Variants in SFMBT2 observed in about 807,000 individuals in gnomAD.
The protein encoded by SFMBT2 is scm-like with four MBT domains protein 2.
Under a neutral mutation model 110.1 loss-of-function variants are expected in SFMBT2, and 38 were observed. The ratio of observed to expected loss-of-function variants is 0.35; its 90% CI spans 0.27 to 0.45. SFMBT2 has a LOEUF of 0.45. Among genes scored for constraint, SFMBT2 ranks in the 20% least tolerant of loss-of-function variants. The probability of loss-of-function intolerance (pLI) is 1.00; values close to 1 mark genes in which losing one functional copy is unlikely to be tolerated. For synonymous variants in SFMBT2, 425 were observed against 425.4 expected, an observed-to-expected ratio of 1.00 and a Z score of 0.01; for missense variants, 1,011 against 1,094.9, an observed-to-expected ratio of 0.92 and a Z score of 1.08.
intron 1 of SFMBT2, among the ~76,000 whole-genome samples, chr10:7,394,039 G>A (rs1349823663): frequency 6.6e-6 from 1 of 151,940 alleles, no homozygotes; most frequent in Non-Finnish European, 1.5e-5. Flanking sequence ...GTCTCACTCT[G>A]TCGCCCAGGC....
At chr10:7,269,579 C>T (rs1207880023) in intron 7 of SFMBT2, among the ~76,000 whole-genome samples, 1 of 152,184 alleles carries the variant, frequency 6.6e-6, no homozygotes, top group African/African-American at 2.4e-5. Context: ...TAACAACACG[C>T]ATCTCAGATG....
intron 9 of SFMBT2, among the ~76,000 whole-genome samples, chr10:7,229,738 T>A (rs1198336252): frequency 6.9e-6 from 1 of 144,266 alleles, no homozygotes; most frequent in Non-Finnish European, 1.5e-5. Flanking sequence ...TTTTTTTTTT[T>A]GTGATGGAGT....
At chr10:7,346,329 T>G (rs529577183) in intron 4 of SFMBT2, among the ~76,000 whole-genome samples, 1 of 152,324 alleles carries the variant, frequency 6.6e-6, no homozygotes, top group South Asian at 2.1e-4. Context: ...GTCTTGGTGA[T>G]TGCTTGCATT....
At chr10:7,199,552 T>C (rs1838885916) in intron 14 of SFMBT2, among the ~76,000 whole-genome samples, 1 of 152,228 alleles carries the variant, frequency 6.6e-6, no homozygotes, top group Admixed American at 6.5e-5. Context: ...TTATAGACTA[T>C]GAAAGGGTAG....
At chr10:7,281,385 C>G (rs1022422062) in intron 6 of SFMBT2, among the ~76,000 whole-genome samples, 1 of 152,058 alleles carries the variant, frequency 6.6e-6, no homozygotes, top group African/African-American at 2.4e-5. Context: ...CCCCTGCACA[C>G]CCCCCTCCCA....
intron 2 of SFMBT2, among the ~76,000 whole-genome samples, chr10:7,375,441 C>A (rs1845173411): frequency 6.6e-6 from 1 of 152,112 alleles, no homozygotes; most frequent in East Asian, 1.9e-4. Flanking sequence ...GCTTACTGAG[C>A]ACCTTCTTAG....
chr10:7,357,946 A>G (rs1844573354), intron 4 of SFMBT2, among the ~76,000 whole-genome samples: 1 of 152,024 alleles, frequency 6.6e-6, no homozygotes, highest in Non-Finnish European at 1.5e-5. Context: ...GCCCTGGGAC[A>G]TCAGCATGGC....
At chr10:7,339,364 G>A (rs1843819643) in intron 4 of SFMBT2, among the ~76,000 whole-genome samples, 1 of 152,194 alleles carries the variant, frequency 6.6e-6, no homozygotes, top group South Asian at 2.1e-4. Flanking sequence ...ACACAAAGGA[G>A]TTGGATGCTT....
At position 7,370,766 on chromosome 10, in the gene SFMBT2, G is replaced by A. The variant is rs900335485; in HGVS notation, c.101-391C>T. ...CCATCGTGCGCTGAGCAAGGGCTGT[G>A]ATGTAGGCTGTGATGTATACAGAGA... On this transcript the variant is annotated intron_variant, in intron 2 of 20. Coordinates refer to ENST00000397167, the MANE Select transcript of SFMBT2 (RefSeq NM_001387889.1). 3 of 930,714 alleles carry A rather than the reference G, an allele frequency of 3.2e-6. No homozygotes were observed. The African/African-American group carries it at 5.4e-5, about 17-fold the overall frequency. 57.7% of individuals were successfully genotyped at this position (930,714 alleles called of 1,614,324 possible).
intron 11 of SFMBT2, among the ~76,000 whole-genome samples, chr10:7,217,162 G>C (rs540070287): frequency 6.8e-4 from 103 of 152,348 alleles, no homozygotes; most frequent in African/African-American, 2.4e-3. Flanking sequence ...AATGGTGCCA[G>C]TCAGGGGCTG....
chr10:7,336,897 C>T (rs138152609), intron 4 of SFMBT2, among the ~76,000 whole-genome samples: 16 of 152,292 alleles, frequency 1.1e-4, no homozygotes, highest in African/African-American at 3.8e-4. Context: ...GAAGACAGAA[C>T]AGAGACAGAG....
intron 9 of SFMBT2, among the ~76,000 whole-genome samples, chr10:7,228,738 T>TTCCTTTCTC (rs1840009498): frequency 1.6e-5 from 1 of 62,548 alleles, no homozygotes; most frequent in Admixed American, 1.8e-4. Context: ...TTTCTTTCCT[T>TTCCTTTCTC]TCTCTCTCTC....
intron 4 of SFMBT2, among the ~76,000 whole-genome samples, chr10:7,329,988 T>C (rs753786951): frequency 3.3e-5 from 5 of 152,192 alleles, no homozygotes; most frequent in Admixed American, 6.5e-5. Flanking sequence ...ATACCATGGT[T>C]ACAGGCCTCA....
At chr10:7,234,923 C>T (rs1564398315) in intron 9 of SFMBT2, among the ~76,000 whole-genome samples, 1 of 152,140 alleles carries the variant, frequency 6.6e-6, no homozygotes, top group Non-Finnish European at 1.5e-5. Context: ...TACAGCTGGC[C>T]CCAGGCAGCA....
At chr10:7,271,931 C>T (rs1210970758) in intron 7 of SFMBT2, among the ~76,000 whole-genome samples, 1 of 152,176 alleles carries the variant, frequency 6.6e-6, no homozygotes, top group Non-Finnish European at 1.5e-5. Context: ...CCCACCGGGT[C>T]CCTCCCACAA....
intron 11 of SFMBT2, among the ~76,000 whole-genome samples, chr10:7,219,340 A>G (rs1425253859): frequency 1.3e-5 from 2 of 152,220 alleles, no homozygotes; most frequent in African/African-American, 4.8e-5. Flanking sequence ...CATTTATTTC[A>G]CATTGATTTT....
chr10:7,306,169 A>G (rs942733526), intron 4 of SFMBT2, among the ~76,000 whole-genome samples: 2 of 152,206 alleles, frequency 1.3e-5, no homozygotes, highest in African/African-American at 4.8e-5. Flanking sequence ...GTCAATGACA[A>G]GTGTGTGGAG....
intron 4 of SFMBT2, among the ~76,000 whole-genome samples, chr10:7,299,474 AT>A (rs1842496752): frequency 6.6e-6 from 1 of 152,238 alleles, no homozygotes; most frequent in Non-Finnish European, 1.5e-5. Flanking sequence ...CAACAAAGAT[AT>A]TTAAAAAAGC....
intron 4 of SFMBT2, among the ~76,000 whole-genome samples, chr10:7,339,288 T>A (rs1843817694): frequency 6.6e-6 from 1 of 152,184 alleles, no homozygotes; most frequent in Admixed American, 6.5e-5. Context: ...GGCTTTTTAA[T>A]GAAAACAAAT....
Sources: allele counts gnomAD v4.1 joint callset (sites outside exome capture counted in the v4.1 genomes callset), GRCh38; gene constraint gnomAD v4.1.1; transcripts MANE v1.5; gene names NCBI Gene and HGNC (gene_info 2026-07-23, HGNC 2026-07-21).